The following SLC25A48 variants were observed in gnomAD, a reference collection of about 807,000 sequenced individuals.
The protein encoded by SLC25A48 is CTC-321K16.1.
In SLC25A48, 29 loss-of-function variants were observed where a neutral mutation model predicts 32.2. The ratio of observed to expected loss-of-function variants is 0.90; its 90% CI spans 0.67 to 1.23. The LOEUF is 1.23. Among genes scored for constraint, SLC25A48 ranks in the 50% most tolerant of loss-of-function variants. The pLI, the probability that SLC25A48 is intolerant of heterozygous loss-of-function variation, is 0.00. For missense variants in SLC25A48, 399 were observed against 422.7 expected (o/e 0.94, Z 0.49); for synonymous variants, 164 against 172.3 (o/e 0.95, Z 0.38).
At chr5:135,591,195 C>T (rs887979994) in intron 1 of SLC25A48, among the ~76,000 whole-genome samples, 3 of 152,230 alleles carry the variant, frequency 2.0e-5, no homozygotes, top group Non-Finnish European at 2.9e-5. Context: ...CATCGGAGGT[C>T]ACACAATGAC....
chr5:135,640,064 G>T (rs1237925823), intron 3 of SLC25A48, among the ~76,000 whole-genome samples: 1 of 152,172 alleles, frequency 6.6e-6, no homozygotes, highest in Non-Finnish European at 1.5e-5. Context: ...TGGGGAAACA[G>T]ATGAAAACTG....
chr5:135,698,417 CAA>C (rs1182629186), intron 3 of SLC25A48, among the ~76,000 whole-genome samples: 2 of 152,088 alleles, frequency 1.3e-5, no homozygotes, highest in Non-Finnish European at 2.9e-5. Flanking sequence ...ATGACTCTAA[CAA>C]AAGTCTTTTC....
At chr5:135,776,269 GGGGT>G (rs1324319803) in intron 3 of SLC25A48, among the ~76,000 whole-genome samples, 7 of 140,644 alleles carry the variant, frequency 5.0e-5, no homozygotes, top group Middle Eastern at 7.2e-3. Flanking sequence ...TCATATCTGG[GGGGT>G]GGGGGGCAGA....
At chr5:135,720,437 TC>T (rs1343878792) in intron 3 of SLC25A48, among the ~76,000 whole-genome samples, 2 of 152,346 alleles carry the variant, frequency 1.3e-5, no homozygotes, top group South Asian at 2.1e-4. Flanking sequence ...TAGGTGTCCT[TC>T]CACCTAAACT....
intron 3 of SLC25A48, among the ~76,000 whole-genome samples, chr5:135,751,042 G>A (rs531640775): frequency 6.2e-4 from 94 of 152,268 alleles, no homozygotes; most frequent in Non-Finnish European, 9.7e-4. Context: ...GAAGAATCCA[G>A]CCAATAGCTG....
intron 3 of SLC25A48, among the ~76,000 whole-genome samples, chr5:135,796,293 G>A (rs1205602757): frequency 2.0e-5 from 3 of 151,314 alleles, no homozygotes; most frequent in East Asian, 3.9e-4. Context: ...CGGGGGAGAC[G>A]GTGATATCTA....
intron 3 of SLC25A48, among the ~76,000 whole-genome samples, chr5:135,797,266 C>A (rs1030094294): frequency 4.6e-5 from 7 of 151,968 alleles, no homozygotes; most frequent in Middle Eastern, 6.8e-3. Flanking sequence ...CTCCCAATAT[C>A]ACAGGGGCTG....
intron 3 of SLC25A48, among the ~76,000 whole-genome samples, chr5:135,764,713 G>A (rs902941747): frequency 2.7e-5 from 4 of 147,046 alleles, no homozygotes; most frequent in African/African-American, 1.0e-4. Context: ...ATCTGGGGGG[G>A]AGAGTGATTT....
intron 3 of SLC25A48, among the ~76,000 whole-genome samples, chr5:135,777,144 A>G (rs1228704354): frequency 6.6e-6 from 1 of 151,068 alleles, no homozygotes; most frequent in Non-Finnish European, 1.5e-5. Flanking sequence ...TTCAAATATC[A>G]CAGGAACTGT....
Position 135,771,399 on chromosome 5 carries a change from G to T in SLC25A48, c.-520-41124G>T, listed in dbSNP as rs1483574583. Among the ~76,000 whole-genome samples the T allele has an allele frequency of 1.3e-5, 2 of 151,848 alleles. 1 individual carries two copies. On this transcript the variant is annotated intron_variant, in intron 3 of 10. Coordinates refer to the SLC25A48 transcript ENST00000646290. Reference sequence around the variant, plus strand: ...TGTATTACTTCATATATCACGGGGGGTGTTCACCACCTTGTGATATGATTC... The same window carrying T: ...TGTATTACTTCATATATCACGGGGGTTGTTCACCACCTTGTGATATGATTC...
upstream of SLC25A48, among the ~76,000 whole-genome samples, chr5:135,831,925 G>A (rs550840344): frequency 3.3e-5 from 5 of 152,264 alleles, no homozygotes; most frequent in South Asian, 4.2e-4. Flanking sequence ...AGCCACATTC[G>A]GAGACAGCAA....
intron 4 of SLC25A48, among the ~76,000 whole-genome samples, chr5:135,826,183 C>T (rs928250417): frequency 2.6e-5 from 4 of 152,130 alleles, no homozygotes; most frequent in African/African-American, 9.7e-5. Flanking sequence ...CTCCCAGCCC[C>T]TCTCAGCCCA....
At chr5:135,682,609 T>C (rs1339750197) in intron 3 of SLC25A48, among the ~76,000 whole-genome samples, 2 of 152,190 alleles carry the variant, frequency 1.3e-5, no homozygotes, top group African/African-American at 2.4e-5. Flanking sequence ...AAGGCATTCT[T>C]GCAGGTTGTA....
intron 3 of SLC25A48, among the ~76,000 whole-genome samples, chr5:135,680,719 C>T (rs1271120298): frequency 6.6e-6 from 1 of 152,164 alleles, no homozygotes; most frequent in East Asian, 1.9e-4. Context: ...AAAACCCACC[C>T]CCATGATTCA....
At chr5:135,823,357 G>A (rs1242670465) in intron 4 of SLC25A48, among the ~76,000 whole-genome samples, 1 of 152,120 alleles carries the variant, frequency 6.6e-6, no homozygotes, top group Non-Finnish European at 1.5e-5. Context: ...TCTGGGCCAC[G>A]TGTCCCCTCT....
chr5:135,650,726 C>T (rs1259499929), intron 3 of SLC25A48, among the ~76,000 whole-genome samples: 1 of 152,084 alleles, frequency 6.6e-6, no homozygotes, highest in African/African-American at 2.4e-5. Context: ...TAGAGTCAAA[C>T]AGAACTGAGA....
Position 135,694,114 on chromosome 5 carries a change from C to T in SLC25A48, c.-521+59158C>T, listed in dbSNP as rs577591318. On this transcript the variant is annotated intron_variant, in intron 3 of 10. Coordinates refer to the SLC25A48 transcript ENST00000646290. ...GAATGTCTCACAGGAAGCCAAACAG[C>T]CACACGGTGGGCAGGAATGAATGGC... Among the ~76,000 whole-genome samples the T allele has an allele frequency of 9.8e-5, 15 of 152,300 alleles. No homozygotes were observed. In the East Asian group the frequency reaches 1.5e-3, roughly 16 times the overall value.
chr5:135,670,764 A>C (rs1753636663), intron 3 of SLC25A48, among the ~76,000 whole-genome samples: 1 of 152,158 alleles, frequency 6.6e-6, no homozygotes, highest in Non-Finnish European at 1.5e-5. Context: ...TACTGACGTC[A>C]TGGAAGCAGA....
intron 4 of SLC25A48, among the ~76,000 whole-genome samples, chr5:135,865,993 G>C (rs1294877347): frequency 2.0e-5 from 3 of 152,220 alleles, no homozygotes; most frequent in Non-Finnish European, 2.9e-5. Flanking sequence ...TAGGAATTCT[G>C]TCAATGCATA....
Sources: allele counts gnomAD v4.1 joint callset (sites outside exome capture counted in the v4.1 genomes callset), GRCh38; gene constraint gnomAD v4.1.1; transcripts MANE v1.5; gene names NCBI Gene and HGNC (gene_info 2026-07-23, HGNC 2026-07-21).